Variants in MMS22L observed in about 807,000 individuals in gnomAD.
MMS22L encodes the protein MMS22 like, DNA repair protein.
In MMS22L, 74 loss-of-function variants were observed where a neutral mutation model predicts 159.1. That is an observed-to-expected ratio of 0.47 (90% CI 0.39 to 0.56). The LOEUF is 0.56. MMS22L is among the 20% of genes least tolerant of loss of function. The probability of loss-of-function intolerance (pLI) is 0.00; values close to 1 mark genes in which losing one functional copy is unlikely to be tolerated. For missense variants in MMS22L, 1,351 were observed against 1,422.1 expected (o/e 0.95, Z 0.80); for synonymous variants, 517 against 506.9 (o/e 1.02, Z -0.27).
intron 19 of MMS22L, among the ~76,000 whole-genome samples, chr6:97,171,444 T>C (rs1214316213): frequency 1.3e-5 from 2 of 151,892 alleles, no homozygotes; most frequent in Non-Finnish European, 2.9e-5. Context: ...CAAAGCAAAA[T>C]GGGGAAGAAT....
chr6:97,245,988 ATTAT>A (rs1812599770), intron 11 of MMS22L: 1 of 239,142 alleles, frequency 4.2e-6, no homozygotes, highest in South Asian at 4.7e-5. Flanking sequence ...ATTCCAAAAT[ATTAT>A]TTATTATAAT....
In MMS22L at chr6:97,281,300, C is replaced by A; in HGVS notation, c.227G>T (p.Gly76Val). 3 of 1,608,548 alleles carry A rather than the reference C, an allele frequency of 1.9e-6. No individual in the cohort carries two copies. The highest frequency in any genetic ancestry group is 2.5e-6 in the Non-Finnish European group (3 of 1,176,954). The stretch of plus-strand genomic sequence containing the variant: ...TGCTGTTTCAGTAACCCACTGAATG[C>A]CAAATATTTCCAAGGTATCTTCTTC... ...NFEEDTLEIF[G>V]IQWVTETALV... Residue 76 changes from glycine to valine, a missense_variant, in exon 3 of 25, where the codon GGC (glycine) becomes GTC (valine). Coordinates refer to ENST00000683635, the MANE Select transcript of MMS22L (RefSeq NM_001350599.2).
At position 97,142,434 on chromosome 6, in the gene MMS22L, CAACT is replaced by C. The variant is rs1187793462; in HGVS notation, c.*4368_*4371del. ...ATGCTATGTTGCTAGCTTCCCAAACCAACTGTTTCTAACCAAATAAAGCATATTA... is the reference window on the plus strand; with the variant it reads ...ATGCTATGTTGCTAGCTTCCCAAACCGTTTCTAACCAAATAAAGCATATTA... On this transcript the variant is annotated 3_prime_UTR_variant, in exon 25 of 25. Transcript: ENST00000683635. 3 of 152,382 alleles carry C rather than the reference CAACT, an allele frequency of 2.0e-5. No individual in the cohort carries two copies. Among genetic ancestry groups the C allele is most frequent in the Non-Finnish European group, 4.4e-5 (3 of 67,886 alleles). The allele number at this position is 152,382 out of a possible 1,614,324, so 9.4% of individuals were successfully genotyped here.
At chr6:97,174,622 C>A (rs1224268342) in intron 18 of MMS22L, among the ~76,000 whole-genome samples, 1 of 152,116 alleles carries the variant, frequency 6.6e-6, no homozygotes, top group Non-Finnish European at 1.5e-5. Flanking sequence ...GGGAAGATTA[C>A]AGTGTGGTCA....
intron 22 of MMS22L, 43 bp from the exon 23 acceptor site, chr6:97,151,910 ACC>A: frequency 6.9e-7 from 1 of 1,458,032 alleles, no homozygotes; most frequent in Non-Finnish European, 9.6e-7. Context: ...GTCTGAATTG[ACC>A]ATCTGGATCC....
At chr6:97,212,424 G>C (rs1374076093) in intron 14 of MMS22L, among the ~76,000 whole-genome samples, 1 of 152,160 alleles carries the variant, frequency 6.6e-6, no homozygotes, top group Non-Finnish European at 1.5e-5. Flanking sequence ...TACTGATTCA[G>C]AATGGAGCCC....
chr6:97,271,336 C>T (rs1400512970), intron 6 of MMS22L: 1 of 152,020 alleles, frequency 6.6e-6, no homozygotes, highest in Non-Finnish European at 1.5e-5. Flanking sequence ...CTATGAAAGG[C>T]AAAACCTAGT....
rs187219033 is a variant in MMS22L, at chr6:97,172,285, C to T, written c.2839+778G>A. Among the ~76,000 whole-genome samples the T allele has an allele frequency of 4.1e-3, 623 of 152,096 alleles. 3 individuals are homozygous for T. The highest frequency in any genetic ancestry group is 0.014 in the African/African-American group (574 of 41,504). ...TTCTATATTTACACATTTTCACATT[C>T]GCCTTTATCTTTTACAACAAAGATA... On this transcript the variant is annotated intron_variant, in intron 19 of 24. Coordinates refer to ENST00000683635, the MANE Select transcript of MMS22L (RefSeq NM_001350599.2).
At chr6:97,246,587 A>G (rs750044517) in intron 11 of MMS22L, 41 bp downstream of exon 11, 1 of 1,524,376 alleles carries the variant, frequency 6.6e-7, no homozygotes, top group Non-Finnish European at 8.9e-7. Flanking sequence ...TAACATAAAA[A>G]TTAAGCAAAA....
At chr6:97,214,237 G>C (rs904537760) in intron 14 of MMS22L, among the ~76,000 whole-genome samples, 1 of 152,118 alleles carries the variant, frequency 6.6e-6, no homozygotes, top group Non-Finnish European at 1.5e-5. Context: ...AGACACACAG[G>C]AGCACATTCC....
intron 14 of MMS22L, among the ~76,000 whole-genome samples, chr6:97,187,767 G>A (rs1200528475): frequency 6.6e-6 from 1 of 152,026 alleles, no homozygotes; most frequent in Non-Finnish European, 1.5e-5. Flanking sequence ...GAACTAGCAT[G>A]TGTATCTAAA....
intron 14 of MMS22L, among the ~76,000 whole-genome samples, chr6:97,192,195 TG>T (rs1361537361): frequency 7.3e-5 from 11 of 150,182 alleles, no homozygotes; most frequent in South Asian, 6.4e-4. Context: ...GATGGATGGA[TG>T]GATGGATGGA....
chr6:97,238,004 C>A (rs775256295), intron 11 of MMS22L, among the ~76,000 whole-genome samples: 3 of 152,076 alleles, frequency 2.0e-5, no homozygotes, highest in African/African-American at 7.2e-5. Flanking sequence ...AAAAAATATG[C>A]AAAGTTTGGG....
At chr6:97,237,362 T>A (rs998223958) in intron 11 of MMS22L, among the ~76,000 whole-genome samples, 1 of 152,124 alleles carries the variant, frequency 6.6e-6, no homozygotes, top group Non-Finnish European at 1.5e-5. Flanking sequence ...AAAGCAGCAA[T>A]GCACAATTTT....
At chr6:97,186,442 T>C in intron 15 of MMS22L, 55 bp downstream of exon 15, 2 of 1,473,990 alleles carry the variant, frequency 1.4e-6, no homozygotes, top group Non-Finnish European at 1.8e-6. Flanking sequence ...TAAAGGAAAA[T>C]ACTGACAAAG....
intron 14 of MMS22L, among the ~76,000 whole-genome samples, chr6:97,222,095 C>T (rs1809718717): frequency 1.3e-5 from 2 of 151,844 alleles, no homozygotes; most frequent in East Asian, 3.9e-4. Flanking sequence ...CCTTTTTTGC[C>T]TAGGCAATCC....
intron 14 of MMS22L, among the ~76,000 whole-genome samples, chr6:97,192,209 G>A (rs62413922): frequency 0.022 from 2,341 of 104,398 alleles, 26 homozygotes; most frequent in Middle Eastern, 0.048. Context: ...TGGATGGATG[G>A]ATGAATGAAT....
chr6:97,211,708 A>G (rs1304110410), intron 14 of MMS22L, among the ~76,000 whole-genome samples: 1 of 152,130 alleles, frequency 6.6e-6, no homozygotes, highest in Non-Finnish European at 1.5e-5. Flanking sequence ...TAATGTCAGA[A>G]GTAGAAAAGT....
intron 14 of MMS22L, among the ~76,000 whole-genome samples, chr6:97,222,697 GA>G (rs1809779877): frequency 1.3e-5 from 2 of 151,936 alleles, no homozygotes; most frequent in African/African-American, 4.8e-5. Flanking sequence ...CAGTAAAAAT[GA>G]AAAAGGGGGA....
Sources: allele counts gnomAD v4.1 joint callset (sites outside exome capture counted in the v4.1 genomes callset), GRCh38; gene constraint gnomAD v4.1.1; transcripts MANE v1.5; gene names NCBI Gene and HGNC (gene_info 2026-07-23, HGNC 2026-07-21).